The following CFAP44 variants were observed in gnomAD, a reference collection of about 807,000 sequenced individuals.
CFAP44 encodes cilia and flagella associated protein 44.
A neutral mutation model predicts 216.2 loss-of-function variants in CFAP44; 134 were observed. The observed-to-expected ratio is 0.62, with a 90% CI of 0.54 to 0.72. CFAP44 has a LOEUF of 0.72. Ranked by LOEUF, CFAP44 falls within the 30% of genes least tolerant of loss-of-function variation. The pLI, the probability that CFAP44 is intolerant of heterozygous loss-of-function variation, is 0.00. For synonymous variants in CFAP44, 700 were observed against 727.6 expected (o/e 0.96, Z 0.61); for missense variants, 2,035 against 2,182.1 (o/e 0.93, Z 1.34).
intron 15 of CFAP44, among the ~76,000 whole-genome samples, chr3:113,391,707 GA>G (rs59140011): frequency 3.9e-5 from 6 of 151,998 alleles, no homozygotes; most frequent in Admixed American, 2.0e-4. Flanking sequence ...CTCTATGGGG[GA>G]AAAAATCTAC....
chr3:113,356,609 C>T (rs1950494306), intron 22 of CFAP44, among the ~76,000 whole-genome samples: 1 of 151,790 alleles, frequency 6.6e-6, no homozygotes, highest in Admixed American at 6.6e-5. Flanking sequence ...ATGGTCTTTT[C>T]AACAAAAAAT....
At chr3:113,430,518 A>G (rs1935080839) in intron 2 of CFAP44, among the ~76,000 whole-genome samples, 1 of 151,936 alleles carries the variant, frequency 6.6e-6, no homozygotes, top group Admixed American at 6.6e-5. Context: ...AGCTACACCA[A>G]TGAAGAAATA....
At chr3:113,294,382 G>A in intron 34 of CFAP44, 1 of 347,270 alleles carries the variant, frequency 2.9e-6, no homozygotes, top group Non-Finnish European at 5.3e-6. Context: ...ACCAAACCCA[G>A]GGCGTATAAT....
At chr3:113,369,964 A>G (rs1442433342) in intron 18 of CFAP44, among the ~76,000 whole-genome samples, 1 of 152,238 alleles carries the variant, frequency 6.6e-6, no homozygotes, top group Non-Finnish European at 1.5e-5. Context: ...CTATGCAAAT[A>G]AACTAGAAAA....
chr3:113,333,784 A>T (rs915543778), intron 24 of CFAP44, among the ~76,000 whole-genome samples: 2 of 152,224 alleles, frequency 1.3e-5, no homozygotes, highest in African/African-American at 4.8e-5. Flanking sequence ...AAAATAATAT[A>T]CAATTATATA....
intron 28 of CFAP44, among the ~76,000 whole-genome samples, chr3:113,325,330 G>T (rs1950180061): frequency 6.6e-6 from 1 of 151,414 alleles, no homozygotes; most frequent in Non-Finnish European, 1.5e-5. Context: ...ACTAAAAAAG[G>T]AAATAGGTGT....
chr3:113,414,400 A>T (rs900967754), intron 6 of CFAP44, among the ~76,000 whole-genome samples: 1 of 152,126 alleles, frequency 6.6e-6, no homozygotes, highest in Non-Finnish European at 1.5e-5. Context: ...TACTATGTTG[A>T]ATAGGAGTGG....
rs1454219660 is a variant in CFAP44, at chr3:113,419,802, AATAAT to A, written c.570+210_570+214del. On this transcript the variant is annotated intron_variant, in intron 5 of 34. Coordinates refer to ENST00000393845, the MANE Select transcript of CFAP44 (RefSeq NM_001164496.2). ...CATTTCCTTATCTGCAAAAAGACAT[AATAAT>A]ATTATAATAGTGCACAGAGGTAGTG... 2.6e-5 allele frequency among the ~76,000 whole-genome samples: 4 copies of A among 152,272 alleles called. No individual in the cohort carries two copies. The South Asian group carries it at 8.3e-4, about 32-fold the overall frequency.
chr3:113,399,495 G>A (rs540276912), intron 13 of CFAP44, among the ~76,000 whole-genome samples: 10 of 144,552 alleles, frequency 6.9e-5, no homozygotes, highest in African/African-American at 2.2e-4. Flanking sequence ...CCACTAAAGC[G>A]TAAGGTCCAT....
In CFAP44 at chr3:113,379,344, C is replaced by T. The variant is rs761936996; in HGVS notation, c.2260G>A (p.Gly754Arg). 3.1e-6 allele frequency: 5 copies of T among 1,605,416 alleles called. No individual in the cohort carries two copies. The highest frequency in any genetic ancestry group is 4.3e-6 in the Non-Finnish European group (5 of 1,174,162). ...AACTTCCCTGGCTCTGAGTAAAATC[C>T]ACAGAGGATGGGAGAGGGGGTTGAC... ...IPSTPSPILC[G>R]FYSEPGKFWV... is the part of the protein sequence containing the mutation. The change falls in exon 17 of 35, where the codon GGA (glycine) becomes AGA (arginine). Residue 754 changes from glycine (G) to arginine (R), a missense_variant. Physicochemically the swap from Gly to Arg is moderately radical, Grantham distance 125 (BLOSUM62 -2). Around this residue, in one of 3 missense-constraint regions of CFAP44, gnomAD observed 1,883 missense variants for 2,023.7 expected, o/e 0.93. Transcript: ENST00000393845.
In CFAP44 at chr3:113,324,042, CAAA is replaced by C. The variant is rs200919084; in HGVS notation, c.4516+2400_4516+2402del. ...CTGGTGACAGAGCAAGACTCCGTCTCAAAAAAAAAAAAAAAAAGAGAGAAATAG... is the reference window on the plus strand; with the variant it reads ...CTGGTGACAGAGCAAGACTCCGTCTCAAAAAAAAAAAAAAGAGAGAAATAG... On this transcript the variant is annotated intron_variant, in intron 28 of 34. Transcript: ENST00000393845. Among the ~76,000 whole-genome samples, 75 of 71,836 alleles carry C rather than the reference CAAA, an allele frequency of 1.0e-3. 1 individual carries two copies. The highest frequency in any genetic ancestry group is 1.7e-3 in the Non-Finnish European group (57 of 33,942). The allele number at this position is 71,836 out of a possible 152,430, so 47.1% of individuals were successfully genotyped here. A position where few individuals can be genotyped will look rare whatever the true frequency, so the allele number is the denominator to read the frequency against.
At chr3:113,294,927 G>C (rs2107785935) in intron 33 of CFAP44, 106 bp from the exon 34 acceptor site, 1 of 1,288,094 alleles carries the variant, frequency 7.8e-7, no homozygotes, top group East Asian at 2.6e-5. Flanking sequence ...GGAGCAATGT[G>C]CCCATATGAA....
rs1559939604 is a variant in CFAP44 at position 113,409,296 on chromosome 3, C to T, written c.700G>A (p.Val234Met). The stretch of plus-strand genomic sequence containing the variant: ...AAGTTACCGCTGTAGTTAAAGTCCA[C>T]ATAAGCATATCCCTTCTCAGTCCCA... ...RDGTEKGYAY[V>M]DFNYSGNLLA... is the part of the protein sequence containing the mutation. The change falls in exon 7 of 35, where the codon GTG (valine) becomes ATG (methionine). Residue 234 changes from valine (V) to methionine (M), a missense_variant. By Grantham distance (21) the Val-to-Met change is conservative (BLOSUM62 1). Coordinates refer to ENST00000393845, the MANE Select transcript of CFAP44 (RefSeq NM_001164496.2). 2 of 1,613,988 alleles carry T rather than the reference C, an allele frequency of 1.2e-6. No individual in the cohort carries two copies. The highest frequency in any genetic ancestry group is 1.7e-5 in the Admixed American group (1 of 60,002).
chr3:113,378,580 T>G (rs191116551), intron 17 of CFAP44, among the ~76,000 whole-genome samples: 1 of 152,122 alleles, frequency 6.6e-6, no homozygotes, highest in Non-Finnish European at 1.5e-5. Context: ...CCACACACAC[T>G]TTTATGAAAT....
At chr3:113,305,175 A>G in intron 30 of CFAP44, 23 bp from the exon 31 acceptor site, 1 of 1,524,660 alleles carries the variant, frequency 6.6e-7, no homozygotes, top group South Asian at 1.2e-5. Context: ...CCGTGTTGTG[A>G]AATGGTGACA....
At chr3:113,316,868 CA>C (rs71684264) in intron 28 of CFAP44, among the ~76,000 whole-genome samples, 40,448 of 116,094 alleles carry the variant, frequency 0.35, 5,766 homozygotes, top group East Asian at 0.5. Context: ...GACTCCATCT[CA>C]AAAAAAAAAA....
intron 28 of CFAP44, among the ~76,000 whole-genome samples, chr3:113,320,155 C>T (rs1225154916): frequency 4.6e-5 from 7 of 151,424 alleles, no homozygotes; most frequent in Non-Finnish European, 7.4e-5. Flanking sequence ...CTGAATTCTA[C>T]CAGACATACA....
In CFAP44 at chr3:113,339,829, AG is replaced by A. The variant is rs1171786275; in HGVS notation, c.3437+1914del. Among the ~76,000 whole-genome samples the A allele has an allele frequency of 4.6e-5, 7 of 152,268 alleles. No individual in the cohort carries two copies. The East Asian group carries it at 7.7e-4, about 17-fold the overall frequency. ...TAACTTTCATATCAGAAACAGAGCT[AG>A]GGGGAGCCCTCTCACTTAGAAAAGG... is the stretch of plus-strand genomic sequence containing the variant. On this transcript the variant is annotated intron_variant, in intron 24 of 34. Transcript: ENST00000393845.
At chr3:113,316,868 CAAAA>C (rs71684264) in intron 28 of CFAP44, among the ~76,000 whole-genome samples, 1 of 116,326 alleles carries the variant, frequency 8.6e-6, no homozygotes, top group African/African-American at 3.1e-5. Context: ...GACTCCATCT[CAAAA>C]AAAAAAAAAA....
Sources: gnomAD v4.1 joint callset for allele counts (sites outside exome capture counted in the v4.1 genomes callset) on GRCh38, gnomAD v4.1.1 for gene constraint, gnomAD v4.1.1 regional missense constraint, MANE v1.5 for transcripts, NCBI Gene and HGNC (gene_info 2026-07-23, HGNC 2026-07-21) for gene names.